The following TNFRSF10C variants were observed in gnomAD, a reference collection of about 807,000 sequenced individuals.
TNFRSF10C encodes tumor necrosis factor receptor superfamily member 10C.
A neutral mutation model predicts 16.7 loss-of-function variants in TNFRSF10C; 17 were observed. The observed-to-expected ratio is 1.02, with a 90% confidence interval of 0.70 to 1.53. The LOEUF is 1.53. TNFRSF10C is among the 40% of genes most tolerant of loss of function. The probability of loss-of-function intolerance (pLI) is 0.00; values close to 1 mark genes in which losing one functional copy is unlikely to be tolerated. For synonymous variants in TNFRSF10C, 73 were observed against 119.7 expected (o/e 0.61, Z 2.55); for missense variants, 237 against 329.7 (o/e 0.72, Z 2.18).
chr8:23,112,726 C>T (rs4872054), intron 2 of TNFRSF10C, among the ~76,000 whole-genome samples: 16,273 of 152,220 alleles, frequency 0.11, 1,095 homozygotes, highest in East Asian at 0.31. Context: ...CATCCATGGA[C>T]ACGTAGGTTG....
Position 23,102,977 on chromosome 8 carries a change from T to A in TNFRSF10C, c.-145T>A. The A allele has an allele frequency of 6.6e-7, 1 of 1,524,976 alleles. No homozygotes were observed. The highest frequency in any genetic ancestry group is 8.9e-7 in the Non-Finnish European group (1 of 1,129,598). The allele number at this position is 1,524,976 out of a possible 1,614,324, so 94.5% of individuals were successfully genotyped here. ...CACGAACTCAGCCAACGATTTCTGA[T>A]AGATTTTTGGGAGTTTGACCAGAGA... On this transcript the variant is annotated 5_prime_UTR_variant, in exon 1 of 5. Transcript: ENST00000356864.
In TNFRSF10C at chr8:23,115,541, GAGACAC is replaced by G; in HGVS notation, c.317_322del (p.Asp106_Thr107del). 1 of 1,613,342 alleles carries G rather than the reference GAGACAC, an allele frequency of 6.2e-7. No homozygotes were observed. The highest frequency in any genetic ancestry group is 8.5e-7 in the Non-Finnish European group (1 of 1,179,612). The stretch of plus-strand genomic sequence containing the variant: ...CATAAAAGTTCCTGCACCATGACCA[GAGACAC>G]AGTGTGTCAGTGTAAAGAAGGCACC... On this transcript the variant is annotated inframe_deletion, in exon 4 of 5. Coordinates refer to ENST00000356864, the MANE Select transcript of TNFRSF10C (RefSeq NM_003841.5).
intron 3 of TNFRSF10C, among the ~76,000 whole-genome samples, chr8:23,115,115 G>C (rs375435737): frequency 2.0e-5 from 3 of 151,992 alleles, no homozygotes; most frequent in Admixed American, 1.3e-4. Context: ...GCAGGTGCTC[G>C]GCCTCACTCA....
At position 23,117,178 on chromosome 8, in the gene TNFRSF10C, G is replaced by A. The variant is rs1215144382; in HGVS notation, c.*147G>A. 11 of 1,233,716 alleles carry A rather than the reference G, an allele frequency of 8.9e-6. No individual in the cohort carries two copies. Among genetic ancestry groups the A allele is most frequent in the Non-Finnish European group, 1.2e-5 (11 of 893,706 alleles). 76.4% of individuals were successfully genotyped at this position (1,233,716 alleles called of 1,614,324 possible). A position where few individuals can be genotyped will look rare whatever the true frequency, so the allele number is the denominator to read the frequency against. ...AACGCCTGCCCCTGCCCCAAGTCCT[G>A]GTGTCTCCAGCCTGGCTCTATCTTC... On this transcript the variant is annotated 3_prime_UTR_variant, in exon 5 of 5. Transcript: ENST00000356864.
chr8:23,105,246 G>A (rs4872053), intron 1 of TNFRSF10C, among the ~76,000 whole-genome samples: 124,506 of 152,084 alleles, frequency 0.82, 51,303 homozygotes, highest in African/African-American at 0.89. Context: ...TGAAGAGGAG[G>A]TAAAAATCTT....
At chr8:23,107,305 C>T (rs1358196331) in intron 1 of TNFRSF10C, among the ~76,000 whole-genome samples, 2 of 152,196 alleles carry the variant, frequency 1.3e-5, no homozygotes, top group Non-Finnish European at 2.9e-5. Context: ...CCAATCTATT[C>T]TGACAAAAAG....
chr8:23,102,976 A>G lies in TNFRSF10C; in HGVS notation c.-146A>G. On this transcript the variant is annotated 5_prime_UTR_variant, in exon 1 of 5. Coordinates refer to ENST00000356864, the MANE Select transcript of TNFRSF10C (RefSeq NM_003841.5). ...GCACGAACTCAGCCAACGATTTCTG[A>G]TAGATTTTTGGGAGTTTGACCAGAG... 2 of 1,524,912 alleles carry G rather than the reference A, an allele frequency of 1.3e-6. No individual in the cohort carries two copies. Among genetic ancestry groups the G allele is most frequent in the Non-Finnish European group, 1.8e-6 (2 of 1,129,554 alleles). 94.5% of individuals were successfully genotyped at this position (1,524,912 alleles called of 1,614,324 possible).
At chr8:23,111,278 G>C (rs1024802106) in intron 1 of TNFRSF10C, among the ~76,000 whole-genome samples, 2 of 151,062 alleles carry the variant, frequency 1.3e-5, no homozygotes, top group African/African-American at 4.9e-5. Flanking sequence ...GTGCAATGGC[G>C]CGATCTTGGC....
chr8:23,108,998 G>T (rs561350670), intron 1 of TNFRSF10C, among the ~76,000 whole-genome samples: 4 of 152,256 alleles, frequency 2.6e-5, no homozygotes, highest in African/African-American at 9.6e-5. Flanking sequence ...GTTCAGACAG[G>T]AAATCAAAAG....
Position 23,103,172 on chromosome 8 carries a change from C to T in TNFRSF10C, c.51C>T (p.Val17=). The change falls in exon 1 of 5, where the codon GTC becomes GTT. Residue 17 remains valine, a synonymous_variant. Transcript: ENST00000356864. ...AGTTCGTCGTCGTCATCGTCGCGGT[C>T]CTGCTGCCAGTGAGTCCCGGCCGCG... ...TLKFVVVIVA[V]LLPVLAYSAT... is the part of the protein sequence containing the mutation. 2 of 1,611,416 alleles carry T rather than the reference C, an allele frequency of 1.2e-6. No individual in the cohort carries two copies. Among genetic ancestry groups the T allele is most frequent in the Non-Finnish European group, 1.7e-6 (2 of 1,179,068 alleles).
chr8:23,103,093 G>C lies in TNFRSF10C; in HGVS notation c.-29G>C, dbSNP rs755715841. 2.5e-6 allele frequency: 4 copies of C among 1,605,420 alleles called. No individual in the cohort carries two copies. In the South Asian group the frequency reaches 3.4e-5, roughly 14 times the overall value. ...GATGGCCGAGGCAGGGTGCGACCCA[G>C]GACCCAGGACGGCGTCGGGAACCAT... On this transcript the variant is annotated 5_prime_UTR_variant, in exon 1 of 5. Coordinates refer to ENST00000356864, the MANE Select transcript of TNFRSF10C (RefSeq NM_003841.5).
intron 2 of TNFRSF10C, among the ~76,000 whole-genome samples, chr8:23,112,867 A>AT (rs1813905972): frequency 2.0e-5 from 3 of 152,076 alleles, no homozygotes; most frequent in African/African-American, 7.2e-5. Context: ...TAGTTGTTCT[A>AT]TTTTTTGTTT....
intron 1 of TNFRSF10C, among the ~76,000 whole-genome samples, chr8:23,105,585 C>T (rs936381379): frequency 3.3e-5 from 5 of 152,180 alleles, no homozygotes; most frequent in Admixed American, 1.3e-4. Context: ...GCGCCTGGCC[C>T]GGGTTGTAGT....
chr8:23,111,946 T>C, intron 2 of TNFRSF10C, 121 bp downstream of exon 2: 1 of 987,052 alleles, frequency 1.0e-6, no homozygotes, highest in Non-Finnish European at 1.5e-6. Context: ...TAAATCAAGC[T>C]AATTCACATA....
Position 23,115,573 on chromosome 8 carries a change from T to A in TNFRSF10C, c.346T>A (p.Phe116Ile). The change falls in exon 4 of 5, where the codon TTC (phenylalanine) becomes ATC (isoleucine). Residue 116 changes from phenylalanine (F) to isoleucine (I), a missense_variant. Physicochemically the swap from Phe to Ile is conservative, Grantham distance 21. Around this residue, in one of 2 missense-constraint regions of TNFRSF10C, gnomAD observed 212 missense variants for 196.8 expected, o/e 1.08. Coordinates refer to ENST00000356864, the MANE Select transcript of TNFRSF10C (RefSeq NM_003841.5). ...AGTGTGTCAGTGTAAAGAAGGCACC[T>A]TCCGGAATGAAAACTCCCCAGAGAT... The part of the protein sequence containing the change: ...DTVCQCKEGT[F>I]RNENSPEMCR... 1.2e-6 allele frequency: 2 copies of A among 1,613,712 alleles called. No individual in the cohort carries two copies. The highest frequency in any genetic ancestry group is 1.3e-5 in the African/African-American group (1 of 75,030).
chr8:23,110,554 C>G (rs1813862041), intron 1 of TNFRSF10C, among the ~76,000 whole-genome samples: 1 of 152,236 alleles, frequency 6.6e-6, no homozygotes, highest in Admixed American at 6.5e-5. Context: ...CACATTACCA[C>G]TATCTATCCG....
At chr8:23,103,298 C>T (rs553195395) in intron 1 of TNFRSF10C, 117 bp downstream of exon 1, 4 of 1,511,376 alleles carry the variant, frequency 2.6e-6, no homozygotes, top group Non-Finnish European at 2.7e-6. Context: ...CGGGCATGTC[C>T]GGGCAGGACG....
In TNFRSF10C at chr8:23,111,845, A is replaced by T; in HGVS notation, c.166+20A>T. ...CAGCAGGTGCACTCTTATTTTTAAA[A>T]ATCAGTTTATTTTTAATTGACAGAT... On this transcript the variant is annotated intron_variant, in intron 2 of 4. Coordinates refer to ENST00000356864, the MANE Select transcript of TNFRSF10C (RefSeq NM_003841.5). 2.5e-6 allele frequency: 4 copies of T among 1,604,636 alleles called. No individual in the cohort carries two copies. The highest frequency in any genetic ancestry group is 3.4e-6 in the Non-Finnish European group (4 of 1,172,350).
chr8:23,111,820 C>T lies in TNFRSF10C; in HGVS notation c.161C>T (p.Pro54Leu). 1 of 1,613,934 alleles carries T rather than the reference C, an allele frequency of 6.2e-7. No homozygotes were observed. The highest frequency in any genetic ancestry group is 1.1e-5 in the South Asian group (1 of 91,076). ...CACAGCTTCAAGGGGGAGGAGTGTC[C>T]AGCAGGTGCACTCTTATTTTTAAAA... is the stretch of plus-strand genomic sequence containing the variant. Reference protein sequence around the residue: ...QRHSFKGEECPAGSHRSEHTG... With the variant: ...QRHSFKGEECLAGSHRSEHTG... Residue 54 changes from proline to leucine, a missense_variant, in exon 2 of 5, where the codon CCA (proline) becomes CTA (leucine). Transcript: ENST00000356864.
Sources: allele counts gnomAD v4.1 joint callset (sites outside exome capture counted in the v4.1 genomes callset), GRCh38; gene constraint gnomAD v4.1.1; regional missense constraint gnomAD v4.1.1; transcripts MANE v1.5; gene names NCBI Gene and HGNC (gene_info 2026-07-23, HGNC 2026-07-21).